The following DMD variants were observed in gnomAD, a reference collection of about 807,000 sequenced individuals.
DMD encodes the protein mutant dystrophin.
In DMD, 63 loss-of-function variants were observed where a neutral mutation model predicts 330.1. That is an observed-to-expected ratio of 0.19 (90% CI 0.16 to 0.24). The LOEUF (loss-of-function observed/expected upper bound fraction) is 0.24, where lower values mean the gene tolerates loss of function less well. DMD is among the 10% of genes least tolerant of loss of function. The pLI is 1.00. For missense variants in DMD, 3,344 were observed against 2,684.1 expected, an observed-to-expected ratio of 1.25 and a Z score of -5.43; for synonymous variants, 1,223 against 959.8, an observed-to-expected ratio of 1.27 and a Z score of -5.07.
intron 63 of DMD, among the ~76,000 whole-genome samples, chrX:31,257,806 A>G (rs1385751699): frequency 8.9e-6 from 1 of 111,978 alleles, no homozygotes; most frequent in Non-Finnish European, 1.9e-5. Flanking sequence ...TTAGCTGGGT[A>G]TGGTGGCGGG....
At chrX:31,959,444 A>G (rs1317290807) in intron 45 of DMD, among the ~76,000 whole-genome samples, 1 of 111,981 alleles carries the variant, frequency 8.9e-6, no homozygotes, top group East Asian at 2.8e-4. Context: ...TGGAGGGATT[A>G]TATAAATGTG....
chrX:32,558,229 C>A (rs182894817), intron 16 of DMD, among the ~76,000 whole-genome samples: 4 of 111,135 alleles, frequency 3.6e-5, no homozygotes, highest in Non-Finnish European at 7.5e-5. Context: ...ATATTAAATA[C>A]GGAATTTGAG....
Position 31,718,365 on chromosome X carries a change from G to A in DMD, c.7660+11266C>T, listed in dbSNP as rs1259417314. On this transcript the variant is annotated intron_variant, in intron 52 of 78. Transcript: ENST00000357033. The stretch of plus-strand genomic sequence containing the variant: ...TTTTTTTACTCTTATAGCTAGCAGG[G>A]CACTATCATTGTCAACCCTTGAGAA... Among the ~76,000 whole-genome samples the A allele has an allele frequency of 8.1e-5, 9 of 110,730 alleles. No individual in the cohort carries two copies. In the Admixed American group the frequency reaches 8.7e-4, roughly 11 times the overall value.
chrX:31,201,185 A>ACG (rs2043419002), intron 67 of DMD, among the ~76,000 whole-genome samples: 1 of 108,384 alleles, frequency 9.2e-6, no homozygotes. Flanking sequence ...ACACACACAC[A>ACG]CACACACACA....
At chrX:32,910,334 T>C (rs756103780) in intron 2 of DMD, among the ~76,000 whole-genome samples, 4 of 112,089 alleles carry the variant, frequency 3.6e-5, no homozygotes, top group Non-Finnish European at 7.5e-5. Context: ...TAATATTTTC[T>C]TGATGATTTA....
At chrX:31,480,920 G>A (rs1044405088) in intron 57 of DMD, among the ~76,000 whole-genome samples, 6 of 111,590 alleles carry the variant, frequency 5.4e-5, no homozygotes, top group Admixed American at 2.9e-4. Flanking sequence ...GAAGAAAATC[G>A]GGAAAAGCTT....
At chrX:32,689,889 G>C (rs906918576) in intron 9 of DMD, among the ~76,000 whole-genome samples, 2 of 110,191 alleles carry the variant, frequency 1.8e-5, no homozygotes, top group Non-Finnish European at 3.8e-5. Flanking sequence ...AACAAACTAG[G>C]AATAGAAGGA....
chrX:31,456,876 G>GTGTGTGTATATATA (rs752346201), intron 59 of DMD, among the ~76,000 whole-genome samples: 3 of 68,695 alleles, frequency 4.4e-5, no homozygotes, highest in African/African-American at 1.6e-4. Context: ...GTGTGTGTGT[G>GTGTGTGTATATATA]TATATATATA....
At chrX:33,040,700 G>GA (rs1318947634) in intron 1 of DMD, among the ~76,000 whole-genome samples, 2 of 110,582 alleles carry the variant, frequency 1.8e-5, no homozygotes, top group African/African-American at 6.6e-5. Flanking sequence ...CAGTATGACA[G>GA]AAAAAAAGCT....
intron 7 of DMD, among the ~76,000 whole-genome samples, chrX:32,705,628 A>C (rs977261285): frequency 1.5e-4 from 17 of 111,586 alleles, no homozygotes; most frequent in African/African-American, 5.5e-4. Context: ...AGCCTGGCCA[A>C]CACGGTGAAA....
chrX:32,460,916 C>T (rs985511380), intron 25 of DMD, among the ~76,000 whole-genome samples: 1 of 111,719 alleles, frequency 9.0e-6, no homozygotes, highest in Non-Finnish European at 1.9e-5. Flanking sequence ...CTATTATCTC[C>T]GTGAAGGTAA....
chrX:33,321,176 G>C (rs760566777), intron 1 of DMD, among the ~76,000 whole-genome samples: 1 of 111,507 alleles, frequency 9.0e-6, no homozygotes, highest in Non-Finnish European at 1.9e-5. Flanking sequence ...ATCTAGAATG[G>C]TGAATTCCTT....
intron 1 of DMD, among the ~76,000 whole-genome samples, chrX:33,028,182 A>G (rs746936463): frequency 8.9e-6 from 1 of 111,910 alleles, no homozygotes; most frequent in South Asian, 3.7e-4. Flanking sequence ...GACTTGCATT[A>G]ATGAATGGCA....
At chrX:32,632,264 T>G (rs12009624) in intron 11 of DMD, among the ~76,000 whole-genome samples, 15,745 of 111,355 alleles carry the variant, frequency 0.14, 1,013 homozygotes, top group African/African-American at 0.25. Context: ...GGGAGTGGTG[T>G]GCTCCCAAGG....
intron 2 of DMD, among the ~76,000 whole-genome samples, chrX:32,878,410 ATTAATCT>A (rs750281490): frequency 1.8e-5 from 2 of 111,812 alleles, no homozygotes; most frequent in South Asian, 3.8e-4. Flanking sequence ...TGTTAAACTG[ATTAATCT>A]TTAACTTCGA....
In DMD at chrX:31,729,758, C is replaced by T. The variant is rs760296367; in HGVS notation, c.7543-10G>A. The T allele has an allele frequency of 8.6e-7, 1 of 1,166,811 alleles. No individual in the cohort carries two copies. The highest frequency in any genetic ancestry group is 1.8e-5 in the South Asian group (1 of 55,946). ...AATCCTGCATTGTTGCCTGTAAGAACAAATATCCCTTAGTATCAGGGTTCT... is the reference window on the plus strand; with the variant it reads ...AATCCTGCATTGTTGCCTGTAAGAATAAATATCCCTTAGTATCAGGGTTCT... On this transcript the variant is annotated splice_polypyrimidine_tract_variant and intron_variant, in intron 51 of 78. Coordinates refer to ENST00000357033, the MANE Select transcript of DMD (RefSeq NM_004006.3).
chrX:31,929,882 T>G, intron 46 of DMD, 137 bp from the exon 47 acceptor site: 1 of 692,315 alleles, frequency 1.4e-6, no homozygotes, highest in Non-Finnish European at 2.2e-6. Context: ...ATACCAACAG[T>G]TTTCTATCTG....
chrX:32,648,834 G>C (rs1445911893), intron 9 of DMD, among the ~76,000 whole-genome samples: 1 of 111,411 alleles, frequency 9.0e-6, no homozygotes, highest in Non-Finnish European at 1.9e-5. Context: ...ATTTTACATT[G>C]TACCTAAGAT....
At chrX:32,620,345 T>A in intron 11 of DMD, among the ~76,000 whole-genome samples, 1 of 111,697 alleles carries the variant, frequency 9.0e-6, no homozygotes, top group Admixed American at 9.5e-5. Context: ...ATATAAAAGA[T>A]AATGGCTCCA....
Sources: allele counts gnomAD v4.1 joint callset (sites outside exome capture counted in the v4.1 genomes callset), GRCh38; gene constraint gnomAD v4.1.1; transcripts MANE v1.5; gene names NCBI Gene and HGNC (gene_info 2026-07-23, HGNC 2026-07-21).